Variants in BMPR1A observed in about 807,000 individuals in gnomAD.
BMPR1A encodes bone morphogenetic protein receptor type-1A.
A neutral mutation model predicts 66.0 loss-of-function variants in BMPR1A; 7 were observed. The observed-to-expected ratio is 0.11, with a 90% CI of 0.06 to 0.20. BMPR1A has a LOEUF of 0.20. Ranked by LOEUF, BMPR1A falls within the 10% of genes least tolerant of loss-of-function variation. BMPR1A has a pLI of 1.00. For missense variants in BMPR1A, 408 were observed against 669.1 expected (o/e 0.61, Z 4.31); for synonymous variants, 200 against 229.7 (o/e 0.87, Z 1.17).
At chr10:86,882,506 C>T (rs1843003264) in intron 3 of BMPR1A, among the ~76,000 whole-genome samples, 2 of 152,054 alleles carry the variant, frequency 1.3e-5, no homozygotes, top group Non-Finnish European at 2.9e-5. Flanking sequence ...GAAGCATATA[C>T]ATCAAACGGA....
chr10:86,929,845 G>A (rs1283378670), downstream of BMPR1A: 14 of 152,212 alleles, frequency 9.2e-5, no homozygotes, highest in Admixed American at 9.2e-4. Flanking sequence ...AAACAGAATT[G>A]TCTAATCCTT....
chr10:86,884,049 A>G (rs1187012305), intron 3 of BMPR1A, among the ~76,000 whole-genome samples: 1 of 151,620 alleles, frequency 6.6e-6, no homozygotes, highest in Non-Finnish European at 1.5e-5. Context: ...TAATTTTTGT[A>G]TTTTTAGTAG....
intron 5 of BMPR1A, among the ~76,000 whole-genome samples, chr10:86,896,066 A>T (rs1435703783): frequency 1.3e-5 from 2 of 151,968 alleles, no homozygotes; most frequent in Non-Finnish European, 2.9e-5. Flanking sequence ...AGGCAGGAGA[A>T]TCGTTTGAAC....
intron 1 of BMPR1A, among the ~76,000 whole-genome samples, chr10:86,783,605 T>A (rs980010753): frequency 6.6e-6 from 1 of 152,218 alleles, no homozygotes; most frequent in Non-Finnish European, 1.5e-5. Flanking sequence ...TTTATTTTTT[T>A]AGAAACGGGA....
rs11596237 is a variant in BMPR1A at position 86,889,950 on chromosome 10, A to G, written c.68-112A>G. On this transcript the variant is annotated intron_variant, in intron 3 of 12. Coordinates refer to ENST00000372037, the MANE Select transcript of BMPR1A (RefSeq NM_004329.3). ...ATTTATATTTCTAAAGAAACATGCT[A>G]GCTACAATTATTGTGATAAGAAAGC... is the stretch of plus-strand genomic sequence containing the variant. 0.071 allele frequency: 79,824 copies of G among 1,122,588 alleles called. 3,161 individuals are homozygous for G. Among genetic ancestry groups the G allele is most frequent in the South Asian group, 0.11 (8,055 of 73,674 alleles). 69.5% of individuals were successfully genotyped at this position (1,122,588 alleles called of 1,614,324 possible). A position where few individuals can be genotyped will look rare whatever the true frequency, so the allele number is the denominator to read the frequency against.
intron 1 of BMPR1A, among the ~76,000 whole-genome samples, chr10:86,806,914 G>T (rs1372027044): frequency 6.6e-6 from 1 of 151,770 alleles, no homozygotes; most frequent in African/African-American, 2.4e-5. Context: ...CTTCATTCCG[G>T]CTCTCGTGTC....
In BMPR1A at chr10:86,909,565, G is replaced by A. The variant is rs1035062661; in HGVS notation, c.531-2675G>A. On this transcript the variant is annotated intron_variant, in intron 7 of 12. Coordinates refer to ENST00000372037, the MANE Select transcript of BMPR1A (RefSeq NM_004329.3). ...CACACCACTGTACTCTAGCCTGGGCGACAAGAGTGAGACCCTATCTCAAAA... is the reference window on the plus strand; with the variant it reads ...CACACCACTGTACTCTAGCCTGGGCAACAAGAGTGAGACCCTATCTCAAAA... Among the ~76,000 whole-genome samples the A allele has an allele frequency of 2.2e-4, 33 of 147,464 alleles. 1 individual carries two copies. Among genetic ancestry groups the A allele is most frequent in the African/African-American group, 7.3e-4 (29 of 39,544 alleles).
chr10:86,903,758 C>T (rs961730970), intron 7 of BMPR1A, among the ~76,000 whole-genome samples: 3 of 151,714 alleles, frequency 2.0e-5, no homozygotes, highest in African/African-American at 7.3e-5. Flanking sequence ...ACTACAGGCA[C>T]CTGCCACCAT....
At chr10:86,902,961 T>C (rs905415035) in intron 7 of BMPR1A, among the ~76,000 whole-genome samples, 1 of 152,192 alleles carries the variant, frequency 6.6e-6, no homozygotes. Context: ...GTTGAAGGAC[T>C]CAGGAGGATT....
chr10:86,827,304 T>A (rs1188912092), intron 1 of BMPR1A, among the ~76,000 whole-genome samples: 4 of 152,188 alleles, frequency 2.6e-5, no homozygotes, highest in Admixed American at 6.5e-5. Flanking sequence ...TTGATTTTTT[T>A]ATTTATATTA....
At chr10:86,809,721 G>C (rs535054619) in intron 1 of BMPR1A, among the ~76,000 whole-genome samples, 1 of 151,450 alleles carries the variant, frequency 6.6e-6, no homozygotes, top group African/African-American at 2.4e-5. Flanking sequence ...GGGATTGCAG[G>C]TGTGAGCCAG....
rs551678392 is a variant in BMPR1A, at chr10:86,811,973, C to T, written c.-267-26892C>T. On this transcript the variant is annotated intron_variant, in intron 1 of 12. Transcript: ENST00000372037. ...GTGTCAACCTGTAGTCCTGGCTGTT[C>T]GGGAGGCTGAGATGAGAGGATTGTT... 6.6e-5 allele frequency among the ~76,000 whole-genome samples: 10 copies of T among 150,954 alleles called. 1 individual carries two copies. In the South Asian group the frequency reaches 1.5e-3, roughly 22 times the overall value.
chr10:86,849,540 C>A (rs752968942), intron 2 of BMPR1A, among the ~76,000 whole-genome samples: 1 of 152,186 alleles, frequency 6.6e-6, no homozygotes, highest in Non-Finnish European at 1.5e-5. Flanking sequence ...AACTTCTGTG[C>A]CTTAGATCCA....
chr10:86,797,213 T>A (rs1056021299), intron 1 of BMPR1A, among the ~76,000 whole-genome samples: 3 of 141,110 alleles, frequency 2.1e-5, no homozygotes, highest in African/African-American at 7.7e-5. Context: ...TACAGGCGCC[T>A]GCCACCAAGC....
At chr10:86,848,201 G>A (rs924031900) in intron 2 of BMPR1A, among the ~76,000 whole-genome samples, 4 of 152,132 alleles carry the variant, frequency 2.6e-5, no homozygotes, top group Non-Finnish European at 5.9e-5. Context: ...AAAGTGCTGG[G>A]ATTACAGGCG....
chr10:86,760,236 C>CTTTTTTT (rs1841025275), intron 1 of BMPR1A, among the ~76,000 whole-genome samples: 1 of 20,064 alleles, frequency 5.0e-5, no homozygotes, highest in Non-Finnish European at 8.8e-5. Flanking sequence ...TTCTTTCTTT[C>CTTTTTTT]TTTCTTTCTT....
chr10:86,923,323 T>C, intron 11 of BMPR1A, 53 bp from the exon 12 acceptor site: 1 of 1,609,840 alleles, frequency 6.2e-7, no homozygotes, highest in Non-Finnish European at 8.5e-7. Flanking sequence ...ACTAGATTGG[T>C]ATATCTTGTC....
intron 7 of BMPR1A, among the ~76,000 whole-genome samples, chr10:86,911,814 G>A (rs941910517): frequency 3.3e-5 from 5 of 151,978 alleles, no homozygotes; most frequent in Admixed American, 1.3e-4. Flanking sequence ...CTGAACTGTG[G>A]AAAAAAATTC....
chr10:86,844,337 A>G (rs1842458075), intron 2 of BMPR1A, among the ~76,000 whole-genome samples: 1 of 152,218 alleles, frequency 6.6e-6, no homozygotes, highest in Non-Finnish European at 1.5e-5. Context: ...AAACTTAAGA[A>G]TGTTTAAAGT....
Sources: allele counts gnomAD v4.1 joint callset (sites outside exome capture counted in the v4.1 genomes callset), GRCh38; gene constraint gnomAD v4.1.1; transcripts MANE v1.5; gene names NCBI Gene and HGNC (gene_info 2026-07-23, HGNC 2026-07-21).